EMSY: variants seen among roughly 807,000 people sequenced by gnomAD.
EMSY encodes BRCA2-interacting transcriptional repressor EMSY.
In EMSY, 26 loss-of-function variants were observed where a neutral mutation model predicts 134.6. The observed-to-expected ratio is 0.19, with a 90% CI of 0.14 to 0.27. The LOEUF (loss-of-function observed/expected upper bound fraction) is 0.27, where lower values mean the gene tolerates loss of function less well. Among genes scored for constraint, EMSY ranks in the 10% least tolerant of loss-of-function variants. The pLI is 1.00. For missense variants in EMSY, 1,305 were observed against 1,611.4 expected (o/e 0.81, Z 3.26); for synonymous variants, 579 against 577.8 (o/e 1.00, Z -0.03).
At chr11:76,544,346 C>T in exon 19 of EMSY, 1 of 1,614,088 alleles carries the variant, frequency 6.2e-7, no homozygotes, top group Non-Finnish European at 8.5e-7. Flanking sequence ...CACTTTAGAC[C>T]CTCAGACAGG....
chr11:76,464,060 A>G (rs2135180123), exon 7 of EMSY: 2 of 1,614,218 alleles, frequency 1.2e-6, no homozygotes, highest in Non-Finnish European at 1.7e-6. Flanking sequence ...AACACAGACA[A>G]CAAACACAAC....
At chr11:76,522,641 G>T (rs540515320) in intron 11 of EMSY, among the ~76,000 whole-genome samples, 1 of 152,050 alleles carries the variant, frequency 6.6e-6, no homozygotes, top group African/African-American at 2.4e-5. Context: ...GATTATGAGC[G>T]TGAGCCACCA....
At position 76,445,136 on chromosome 11, in the gene EMSY, A is replaced by G. The variant is rs1310857670; in HGVS notation, c.-40+8A>G. 6.5e-6 allele frequency: 1 copy of G among 152,742 alleles called. No individual in the cohort carries two copies. Among genetic ancestry groups the G allele is most frequent in the Admixed American group, 6.6e-5 (1 of 15,262 alleles). 9.5% of individuals were successfully genotyped at this position (152,742 alleles called of 1,614,324 possible). On this transcript the variant is annotated splice_region_variant and intron_variant, in intron 1 of 20. Transcript: ENST00000334736. ...CCCCGAAAGGCCGGGCAGGTGGGTG[A>G]CTCTCAGGCAGGGTCCTGGGAAGAG...
chr11:76,546,811 G>A (rs1383621941), intron 20 of EMSY, among the ~76,000 whole-genome samples: 1 of 152,194 alleles, frequency 6.6e-6, no homozygotes, highest in Non-Finnish European at 1.5e-5. Flanking sequence ...GGAGAGACAT[G>A]TTCTAAGGTG....
In EMSY at chr11:76,448,320, G is replaced by C. The variant is rs545529093; in HGVS notation, c.70+1312G>C. Among the ~76,000 whole-genome samples, 85 of 151,936 alleles carry C rather than the reference G, an allele frequency of 5.6e-4. 1 individual carries two copies. The highest frequency in any genetic ancestry group is 1.7e-3 in the African/African-American group (69 of 41,470). On this transcript the variant is annotated intron_variant, in intron 2 of 20. Coordinates refer to ENST00000334736, the Ensembl canonical transcript of EMSY. ...AGTTGTTTTTGGAGAGGGTGTGGGGGATGTCAATCTTTTTTTTTTTTAACC... is the reference window on the plus strand; with the variant it reads ...AGTTGTTTTTGGAGAGGGTGTGGGGCATGTCAATCTTTTTTTTTTTTAACC...
At chr11:76,446,327 A>ATATATATGTGTATG in intron 1 of EMSY, among the ~76,000 whole-genome samples, 1 of 59,174 alleles carries the variant, frequency 1.7e-5, no homozygotes, top group Non-Finnish European at 3.2e-5. Context: ...GTGTGTGTAT[A>ATATATATGTGTATG]TATATATGTA....
intron 7 of EMSY, among the ~76,000 whole-genome samples, chr11:76,466,634 A>G (rs1948363670): frequency 6.6e-6 from 1 of 152,174 alleles, no homozygotes; most frequent in East Asian, 1.9e-4. Context: ...TCTTGCAAAG[A>G]TGTCACTATA....
In EMSY at chr11:76,549,125, A is replaced by G. The variant is rs1404055325; in HGVS notation, c.3775-827A>G. 5.9e-5 allele frequency among the ~76,000 whole-genome samples: 9 copies of G among 152,372 alleles called. No individual in the cohort carries two copies. In the East Asian group the frequency reaches 1.5e-3, roughly 26 times the overall value. On this transcript the variant is annotated intron_variant, in intron 20 of 20. Transcript: ENST00000334736. ...CTACTTTTGGGTTGGTGGTCATGGA[A>G]GGAAAGCTTTTCCAAGCATTTGAAC... is the stretch of plus-strand genomic sequence containing the variant.
Position 76,544,940 on chromosome 11 carries a change from G to A in EMSY, c.3273+118G>A, listed in dbSNP as rs1241440073. ...TCTCCTGGCAAGAGGAAACCCAAAA[G>A]CCTCATTACGCTGGTATTACTTTGC... is the stretch of plus-strand genomic sequence containing the variant. On this transcript the variant is annotated intron_variant, in intron 19 of 20. Transcript: ENST00000334736. 6 of 1,084,034 alleles carry A rather than the reference G, an allele frequency of 5.5e-6. No individual in the cohort carries two copies. The South Asian group carries it at 8.2e-5, about 15-fold the overall frequency. The allele number at this position is 1,084,034 out of a possible 1,614,324, so 67.2% of individuals were successfully genotyped here. A position where few individuals can be genotyped will look rare whatever the true frequency, so the allele number is the denominator to read the frequency against.
At chr11:76,453,018 C>T (rs1356290991) in intron 3 of EMSY, among the ~76,000 whole-genome samples, 1 of 152,194 alleles carries the variant, frequency 6.6e-6, no homozygotes, top group African/African-American at 2.4e-5. Flanking sequence ...GCTAATCTTA[C>T]CCATGGTCTG....
chr11:76,538,492 C>T (rs901975269), intron 16 of EMSY, among the ~76,000 whole-genome samples: 10 of 152,082 alleles, frequency 6.6e-5, no homozygotes, highest in African/African-American at 2.2e-4. Context: ...AATTCCTGGG[C>T]TCAAGAGATC....
chr11:76,526,990 A>G (rs1229162334), intron 13 of EMSY, among the ~76,000 whole-genome samples: 2 of 152,166 alleles, frequency 1.3e-5, no homozygotes, highest in African/African-American at 4.8e-5. Flanking sequence ...ATAAGCTACC[A>G]TGGCCTTCAA....
At chr11:76,451,905 G>A in exon 3 of EMSY, 1 of 1,593,292 alleles carries the variant, frequency 6.3e-7, no homozygotes, top group Non-Finnish European at 8.5e-7. Context: ...GGCACAGGGG[G>A]ATCTCACCAA....
chr11:76,528,198 A>T (rs966012653), intron 13 of EMSY, 70 bp from the exon 15 acceptor site: 2 of 1,354,200 alleles, frequency 1.5e-6, no homozygotes, highest in Admixed American at 1.8e-5. Flanking sequence ...TTAGTTTATG[A>T]CCTAGAAGTT....
At position 76,519,209 on chromosome 11, in the gene EMSY, C is replaced by T. The variant is rs1233049946; in HGVS notation, c.1684+2897C>T. 4.6e-5 allele frequency among the ~76,000 whole-genome samples: 7 copies of T among 151,820 alleles called. No homozygotes were observed. In the South Asian group the frequency reaches 6.3e-4, roughly 14 times the overall value. On this transcript the variant is annotated intron_variant, in intron 11 of 20. Coordinates refer to ENST00000334736, the Ensembl canonical transcript of EMSY. ...CCTCCTGAGTAGCTGGGATTACAGG[C>T]GCCTGCCACCACGCTCGGCTAATTT... is the stretch of plus-strand genomic sequence containing the variant.
rs73493472 is a variant in EMSY at position 76,460,406 on chromosome 11, G to A, written c.571+321G>A. ...ATAGAAACTGAAGGAATGTGCTTATGTAATTTATTCAATATTTCTCCTATA... is the reference window on the plus strand; with the variant it reads ...ATAGAAACTGAAGGAATGTGCTTATATAATTTATTCAATATTTCTCCTATA... On this transcript the variant is annotated intron_variant, in intron 6 of 20. Coordinates refer to ENST00000334736, the Ensembl canonical transcript of EMSY. The A allele has an allele frequency of 1.7e-3, 334 of 192,512 alleles. 5 individuals carry two copies. The highest frequency in any genetic ancestry group is 7.2e-3 in the African/African-American group (310 of 43,056). 11.9% of individuals were successfully genotyped at this position (192,512 alleles called of 1,614,324 possible). A position where few individuals can be genotyped will look rare whatever the true frequency, so the allele number is the denominator to read the frequency against.
chr11:76,526,416 T>C, intron 12 of EMSY, 46 bp from the exon 14 acceptor site: 1 of 1,430,866 alleles, frequency 7.0e-7, no homozygotes, highest in Non-Finnish European at 9.4e-7. Context: ...GACTTTATCA[T>C]TTATATGCAT....
intron 13 of EMSY, among the ~76,000 whole-genome samples, chr11:76,526,977 T>C (rs1950867108): frequency 6.6e-6 from 1 of 152,196 alleles, no homozygotes; most frequent in Non-Finnish European, 1.5e-5. Context: ...ATATTTACTT[T>C]TTATAAGCTA....
At chr11:76,453,112 T>G (rs149232974) in intron 3 of EMSY, among the ~76,000 whole-genome samples, 7 of 152,330 alleles carry the variant, frequency 4.6e-5, no homozygotes, top group African/African-American at 1.4e-4. Context: ...TAAATATTTC[T>G]TCAGTTACAC....
Sources: gnomAD v4.1 joint callset for allele counts (sites outside exome capture counted in the v4.1 genomes callset) on GRCh38, gnomAD v4.1.1 for gene constraint, MANE v1.5 for transcripts, NCBI Gene and HGNC (gene_info 2026-07-23, HGNC 2026-07-21) for gene names.